The following GARIN2 variants were observed in gnomAD, a reference collection of about 807,000 sequenced individuals.
GARIN2 encodes the protein golgi associated RAB2 interactor family member 2, also known as Golgi-associated RAB2 interactor protein 2.
the GARIN2 span, among the ~76,000 whole-genome samples, chr14:67,226,344 A>G: frequency 6.6e-6 from 1 of 150,856 alleles, no homozygotes; most frequent in South Asian, 2.1e-4. Context: ...GACAAGCACC[A>G]CCACAACCAG....
the GARIN2 span, chr14:67,208,085 T>C: frequency 4.2e-6 from 6 of 1,437,578 alleles, no homozygotes; most frequent in South Asian, 8.5e-5. Context: ...TTACTACTCC[T>C]CACGGGTGCT....
At chr14:67,191,631 C>A in the GARIN2 span, among the ~76,000 whole-genome samples, 1 of 152,172 alleles carries the variant, frequency 6.6e-6, no homozygotes, top group Non-Finnish European at 1.5e-5. Context: ...ATCCCATATC[C>A]GTATCTAAGA....
the GARIN2 span, chr14:67,223,963 A>G: frequency 1.0e-6 from 1 of 985,172 alleles, no homozygotes. Context: ...TCTAATTTAT[A>G]TTATAGGCGG....
the GARIN2 span, among the ~76,000 whole-genome samples, chr14:67,217,247 T>C: frequency 6.6e-6 from 1 of 152,194 alleles, no homozygotes; most frequent in Non-Finnish European, 1.5e-5. Flanking sequence ...TTGGTTTCCA[T>C]TTGCATCGAA....
At chr14:67,226,647 C>A in the GARIN2 span, among the ~76,000 whole-genome samples, 1 of 144,250 alleles carries the variant, frequency 6.9e-6, no homozygotes, top group East Asian at 2.4e-4. Context: ...AGGCGTGAGC[C>A]ACTGTGCCTG....
chr14:67,192,991 T>C, the GARIN2 span, among the ~76,000 whole-genome samples: 1 of 146,540 alleles, frequency 6.8e-6, no homozygotes, highest in African/African-American at 2.5e-5. Flanking sequence ...GATCTCTCTA[T>C]ATATCTCTAT....
At chr14:67,206,532 A>G in the GARIN2 span, among the ~76,000 whole-genome samples, 1 of 152,170 alleles carries the variant, frequency 6.6e-6, no homozygotes. Context: ...CCTAATTTTT[A>G]ATTAGGAAAA....
chr14:67,203,126 T>C, the GARIN2 span: 9 of 1,613,642 alleles, frequency 5.6e-6, no homozygotes, highest in African/African-American at 1.1e-4. Context: ...TTTACCTTCA[T>C]AACCGAGCCA....
chr14:67,214,873 G>T, the GARIN2 span, among the ~76,000 whole-genome samples: 1 of 151,470 alleles, frequency 6.6e-6, no homozygotes, highest in African/African-American at 2.4e-5. Context: ...CCTTGAAGAG[G>T]TCCTTCACAT....
At chr14:67,190,016 T>C in the GARIN2 span, among the ~76,000 whole-genome samples, 2 of 148,102 alleles carry the variant, frequency 1.4e-5, no homozygotes, top group Non-Finnish European at 3.0e-5. Context: ...AATTTTGTAT[T>C]TTTTTTTTAA....
chr14:67,194,820 G>A, the GARIN2 span, among the ~76,000 whole-genome samples: 38 of 152,144 alleles, frequency 2.5e-4, no homozygotes, highest in Admixed American at 1.4e-3. Context: ...ACCATGCCAG[G>A]CTAATTTTTA....
At chr14:67,194,972 T>G in the GARIN2 span, among the ~76,000 whole-genome samples, 1 of 152,312 alleles carries the variant, frequency 6.6e-6, no homozygotes, top group Non-Finnish European at 1.5e-5. Context: ...CTCAAAGTGC[T>G]AAGATTACAG....
chr14:67,209,635 T>C, the GARIN2 span, among the ~76,000 whole-genome samples: 3 of 151,172 alleles, frequency 2.0e-5, no homozygotes, highest in Non-Finnish European at 4.4e-5. Flanking sequence ...CTGGCCAACA[T>C]GGTGAAACCC....
the GARIN2 span, among the ~76,000 whole-genome samples, chr14:67,205,491 A>G: frequency 1.3e-5 from 2 of 152,216 alleles, no homozygotes; most frequent in Non-Finnish European, 2.9e-5. Flanking sequence ...GTTTAAAAAT[A>G]TATAGCAGTA....
At chr14:67,226,065 C>G in the GARIN2 span, among the ~76,000 whole-genome samples, 75 of 152,298 alleles carry the variant, frequency 4.9e-4, no homozygotes, top group African/African-American at 1.6e-3. Context: ...GCAGTAACCC[C>G]TTGCCCATCT....
At chr14:67,205,076 A>T in the GARIN2 span, 1 of 1,550,402 alleles carries the variant, frequency 6.4e-7, no homozygotes, top group South Asian at 1.2e-5. Context: ...ATCAGGGCCA[A>T]GCAAGAGGAG....
chr14:67,224,450 T>C, the GARIN2 span, among the ~76,000 whole-genome samples: 1 of 151,744 alleles, frequency 6.6e-6, no homozygotes, highest in Non-Finnish European at 1.5e-5. Flanking sequence ...TTAGTAGAGA[T>C]GGGGTTTCAT....
the GARIN2 span, chr14:67,201,312 T>C: frequency 2.9e-6 from 1 of 350,716 alleles, no homozygotes; most frequent in Non-Finnish European, 5.6e-6. Context: ...AACAAATAAA[T>C]ATTTTTAAAA....
chr14:67,199,042 A>G, the GARIN2 span: 1 of 738,178 alleles, frequency 1.4e-6, no homozygotes. Context: ...CAAGAAGAGG[A>G]TGGCAGGAGC....
Sources: gnomAD v4.1 joint callset for allele counts (sites outside exome capture counted in the v4.1 genomes callset) on GRCh38, gnomAD v4.1.1 for gene constraint, MANE v1.5 for transcripts, NCBI Gene and HGNC (gene_info 2026-07-23, HGNC 2026-07-21) for gene names.